MYL1: variants seen among roughly 807,000 people sequenced by gnomAD.
MYL1 encodes myosin light chain 1.
MYL1 carries 16 observed loss-of-function variants against 21.8 expected under a neutral mutation model. That is an observed-to-expected ratio of 0.74 (90% CI 0.50 to 1.12). MYL1 has a LOEUF of 1.12. MYL1 is among the 50% of genes most tolerant of loss of function. The probability of loss-of-function intolerance (pLI) is 0.00; values close to 1 mark genes in which losing one functional copy is unlikely to be tolerated. For synonymous variants in MYL1, 99 were observed against 85.2 expected (o/e 1.16, Z -0.89); for missense variants, 246 against 241.0 (o/e 1.02, Z -0.14).
chr2:210,302,485 T>C lies in MYL1; in HGVS notation c.160+3A>G, dbSNP rs1212582108. 6.2e-7 allele frequency: 1 copy of C among 1,608,716 alleles called. No homozygotes were observed. ...ATTTAAGAACCATAGCTTTTAAACT[T>C]ACCATCCTGCTGTTCCTTAGAGAAC... On this transcript the variant is annotated splice_donor_region_variant and intron_variant, in intron 2 of 6. Transcript: ENST00000352451.
At chr2:210,311,614 T>A (rs1012588918) in intron 1 of MYL1, among the ~76,000 whole-genome samples, 3 of 152,082 alleles carry the variant, frequency 2.0e-5, no homozygotes, top group Admixed American at 6.6e-5. Context: ...ATATAATGCA[T>A]GCATCATGCA....
At position 210,298,433 on chromosome 2, in the gene MYL1, G is replaced by T. The variant is rs774234588; in HGVS notation, c.291C>A (p.Asn97Lys). The T allele has an allele frequency of 3.1e-6, 5 of 1,613,572 alleles. No homozygotes were observed. The South Asian group carries it at 5.5e-5, about 18-fold the overall frequency. Residue 97 changes from asparagine to lysine, a missense_variant, in exon 3 of 7, where the codon AAC becomes AAA. Physicochemically the swap from Asn to Lys is moderately conservative, Grantham distance 94. Transcript: ENST00000352451. The stretch of plus-strand genomic sequence containing the variant: ...TTGATGGGTTACCTTCATTGCTGGG[G>T]TTTCCCAGAACTTTCCTGACCTCTG... ...TNAEVRKVLG[N>K]PSNEELNAKK... is the part of the protein sequence containing the mutation.
At position 210,291,039 on chromosome 2, in the gene MYL1, G is replaced by A; in HGVS notation, c.*7C>T. On this transcript the variant is annotated 3_prime_UTR_variant, in exon 6 of 7. Coordinates refer to ENST00000352451, the MANE Select transcript of MYL1 (RefSeq NM_079420.3). Reference sequence around the variant, plus strand: ...GAGGGAACTGGTATATACCTTGAGAGCTCCATTCAGATAGACATGATGTGC... The same window carrying A: ...GAGGGAACTGGTATATACCTTGAGAACTCCATTCAGATAGACATGATGTGC... 3.1e-6 allele frequency: 5 copies of A among 1,605,360 alleles called. No homozygotes were observed. Among genetic ancestry groups the A allele is most frequent in the Non-Finnish European group, 4.3e-6 (5 of 1,173,180 alleles).
chr2:210,315,087 A>G lies in MYL1; in HGVS notation c.-45T>C, dbSNP rs761626233. 1.3e-6 allele frequency: 2 copies of G among 1,583,666 alleles called. No individual in the cohort carries two copies. The highest frequency in any genetic ancestry group is 2.4e-5 in the South Asian group (2 of 84,978). ...GGTTAAAAAGAGAAGGAGTTCCTCC[A>G]AAAGAACCTGTCAAAATGATTCTTG... On this transcript the variant is annotated 5_prime_UTR_variant, in exon 1 of 7. Coordinates refer to ENST00000352451, the MANE Select transcript of MYL1 (RefSeq NM_079420.3).
chr2:210,300,317 C>T (rs1485123990), intron 2 of MYL1, among the ~76,000 whole-genome samples: 3 of 152,104 alleles, frequency 2.0e-5, no homozygotes, highest in African/African-American at 7.2e-5. Context: ...AGATTTTTAA[C>T]CCAAAGTTTA....
intron 2 of MYL1, among the ~76,000 whole-genome samples, chr2:210,299,136 G>A (rs764837074): frequency 1.1e-4 from 17 of 152,250 alleles, no homozygotes; most frequent in Non-Finnish European, 1.9e-4. Context: ...ATTAACTAAT[G>A]TGTGACTCTA....
chr2:210,292,519 T>C (rs1690094023), intron 5 of MYL1, among the ~76,000 whole-genome samples: 1 of 152,072 alleles, frequency 6.6e-6, no homozygotes. Flanking sequence ...AGTAGTTCTT[T>C]TTTATTAGGA....
chr2:210,308,399 AATATATATATATATATATAT>A (rs71043988), intron 1 of MYL1, among the ~76,000 whole-genome samples: 96 of 84,706 alleles, frequency 1.1e-3, no homozygotes, highest in South Asian at 5.3e-3. Flanking sequence ...TACTTAGGCT[AATATATATATATATATATAT>A]ATATATATAT....
chr2:210,304,646 G>C (rs75714216), intron 1 of MYL1, among the ~76,000 whole-genome samples: 4,243 of 152,306 alleles, frequency 0.028, 90 homozygotes, highest in Non-Finnish European at 0.045. Context: ...GGGCTCAAGT[G>C]ATCTTCCCAC....
At chr2:210,295,960 C>T (rs1392098566) in intron 3 of MYL1, among the ~76,000 whole-genome samples, 1 of 152,012 alleles carries the variant, frequency 6.6e-6, no homozygotes, top group African/African-American at 2.4e-5. Context: ...ATGAAGTAAG[C>T]AGGCTGATTT....
In MYL1 at chr2:210,308,399, AATATAT is replaced by A. The variant is rs71043988; in HGVS notation, c.133-5890_133-5885del. Among the ~76,000 whole-genome samples, 666 of 84,726 alleles carry A rather than the reference AATATAT, an allele frequency of 7.9e-3. 14 individuals are homozygous for A. Among genetic ancestry groups the A allele is most frequent in the African/African-American group, 0.02 (377 of 18,682 alleles). 55.6% of individuals were successfully genotyped at this position (84,726 alleles called of 152,430 possible). ...CTTCAACATAGGATATACTTAGGCT[AATATAT>A]ATATATATATATATATATATATATA... On this transcript the variant is annotated intron_variant, in intron 1 of 6. Transcript: ENST00000352451.
rs553889868 is a variant in MYL1, at chr2:210,290,444, C to T, written c.*38G>A. 7 of 152,268 alleles carry T rather than the reference C, an allele frequency of 4.6e-5. No individual in the cohort carries two copies. The South Asian group carries it at 1.5e-3, about 32-fold the overall frequency. 9.4% of individuals were successfully genotyped at this position (152,268 alleles called of 1,614,324 possible). A position where few individuals can be genotyped will look rare whatever the true frequency, so the allele number is the denominator to read the frequency against. On this transcript the variant is annotated 3_prime_UTR_variant, in exon 7 of 7. Coordinates refer to ENST00000352451, the MANE Select transcript of MYL1 (RefSeq NM_079420.3). ...GGTGTGATTAAAATAAGTTTCCAGC[C>T]AGTCTTCCTAAACAATGCTTGTTCT...
intron 5 of MYL1, 41 bp from the exon 6 acceptor site, chr2:210,291,115 G>A: frequency 1.3e-6 from 2 of 1,528,166 alleles, no homozygotes; most frequent in Non-Finnish European, 1.8e-6. Context: ...TTTAGAGTTA[G>A]GAAACAGTCA....
Position 210,315,156 on chromosome 2 carries a change from A to G in MYL1, c.-114T>C, listed in dbSNP as rs1347788210. The stretch of plus-strand genomic sequence containing the variant: ...GGTTGATCCACAGCCCAGTGTCTTG[A>G]AGATGGACCCAGAGTGTTAAACGGC... On this transcript the variant is annotated 5_prime_UTR_variant, in exon 1 of 7. Coordinates refer to ENST00000352451, the MANE Select transcript of MYL1 (RefSeq NM_079420.3). 5 of 1,275,144 alleles carry G rather than the reference A, an allele frequency of 3.9e-6. No homozygotes were observed. Among genetic ancestry groups the G allele is most frequent in the Non-Finnish European group, 5.5e-6 (5 of 910,070 alleles). The allele number at this position is 1,275,144 out of a possible 1,614,324, so 79.0% of individuals were successfully genotyped here.
chr2:210,308,440 A>ATATATATT (rs1690372271), intron 1 of MYL1, among the ~76,000 whole-genome samples: 1 of 129,322 alleles, frequency 7.7e-6, no homozygotes, highest in Non-Finnish European at 1.6e-5. Context: ...ATATATATAT[A>ATATATATT]TTCTAGTCAC....
intron 1 of MYL1, among the ~76,000 whole-genome samples, chr2:210,312,763 T>A (rs538204516): frequency 1.3e-5 from 2 of 151,914 alleles, no homozygotes; most frequent in Non-Finnish European, 2.9e-5. Flanking sequence ...TCATTTAACT[T>A]CTTTTTGATT....
chr2:210,298,339 T>TACACACACACACACAC lies in MYL1; in HGVS notation c.304+65_304+80dup, dbSNP rs112894708. 7.4e-5 allele frequency: 88 copies of TACACACACACACACAC among 1,187,820 alleles called. No individual in the cohort carries two copies. The South Asian group carries it at 9.5e-4, about 13-fold the overall frequency. The allele number at this position is 1,187,820 out of a possible 1,614,324, so 73.6% of individuals were successfully genotyped here. The stretch of plus-strand genomic sequence containing the variant: ...ACACATACTACACACACACACATAC[T>TACACACACACACACAC]ACACACACACACACACACACACACA... On this transcript the variant is annotated intron_variant, in intron 3 of 6. Coordinates refer to ENST00000352451, the MANE Select transcript of MYL1 (RefSeq NM_079420.3).
intron 1 of MYL1, among the ~76,000 whole-genome samples, chr2:210,310,565 T>C (rs887563774): frequency 6.6e-6 from 1 of 152,104 alleles, no homozygotes; most frequent in Non-Finnish European, 1.5e-5. Context: ...ATATCCATTT[T>C]CCATTTACAA....
At chr2:210,294,525 A>C (rs1008883153) in intron 3 of MYL1, 107 bp from the exon 4 acceptor site, 2 of 1,036,398 alleles carry the variant, frequency 1.9e-6, no homozygotes, top group Admixed American at 5.1e-5. Context: ...ACCTTCACAC[A>C]GCTTAAATTT....
Sources: gnomAD v4.1 joint callset for allele counts (sites outside exome capture counted in the v4.1 genomes callset) on GRCh38, gnomAD v4.1.1 for gene constraint, MANE v1.5 for transcripts, NCBI Gene and HGNC (gene_info 2026-07-23, HGNC 2026-07-21) for gene names.